The following MGRN1 variants were observed in gnomAD, a reference collection of about 807,000 sequenced individuals.
MGRN1 encodes the protein E3 ubiquitin-protein ligase MGRN1.
A neutral mutation model predicts 69.2 loss-of-function variants in MGRN1; 29 were observed. The observed-to-expected ratio is 0.42, with a 90% CI of 0.31 to 0.57. The LOEUF (loss-of-function observed/expected upper bound fraction) is 0.57, where lower values mean the gene tolerates loss of function less well. Ranked by LOEUF, MGRN1 falls within the 20% of genes least tolerant of loss-of-function variation. The probability of loss-of-function intolerance (pLI) is 0.15; values close to 1 mark genes in which losing one functional copy is unlikely to be tolerated. For missense variants in MGRN1, 998 were observed against 796.2 expected, an observed-to-expected ratio of 1.25 and a Z score of -3.05; for synonymous variants, 470 against 344.2, an observed-to-expected ratio of 1.37 and a Z score of -4.04.
chr16:4,639,600 C>T (rs1045970063), intron 1 of MGRN1, among the ~76,000 whole-genome samples: 3 of 152,186 alleles, frequency 2.0e-5, no homozygotes, highest in African/African-American at 4.8e-5. Context: ...AGATGCACAG[C>T]GTCTGCCCCC....
intron 7 of MGRN1, 105 bp downstream of exon 7, chr16:4,665,256 C>T (rs568347940): frequency 1.5e-6 from 2 of 1,290,350 alleles, no homozygotes; most frequent in East Asian, 2.4e-5. Context: ...GGTGGGGTGG[C>T]TGAGTGTCAA....
At chr16:4,676,600 G>T (rs1385425490) in intron 10 of MGRN1, among the ~76,000 whole-genome samples, 1 of 152,220 alleles carries the variant, frequency 6.6e-6, no homozygotes, top group Non-Finnish European at 1.5e-5. Context: ...ACACAGAGGA[G>T]GCCTGAGGCC....
chr16:4,683,276 G>A lies in MGRN1; in HGVS notation c.1528+7G>A, dbSNP rs373812399. The A allele has an allele frequency of 1.7e-5, 27 of 1,613,472 alleles. No homozygotes were observed. The highest frequency in any genetic ancestry group is 3.3e-5 in the Admixed American group (2 of 60,000). ...TCGTCGTCACCACAGCAAGGTGAGC[G>A]CCTCCTTCCATGGGCACAAACCGCA... On this transcript the variant is annotated splice_region_variant and intron_variant, in intron 15 of 16. Transcript: ENST00000262370.
chr16:4,651,378 A>G (rs1567192426), intron 2 of MGRN1, among the ~76,000 whole-genome samples: 1 of 152,060 alleles, frequency 6.6e-6, no homozygotes, highest in Non-Finnish European at 1.5e-5. Context: ...ATACGGGACA[A>G]ATGGGTAGAA....
intron 16 of MGRN1, among the ~76,000 whole-genome samples, chr16:4,684,145 C>A (rs550495131): frequency 6.6e-6 from 1 of 152,266 alleles, no homozygotes; most frequent in African/African-American, 2.4e-5. Flanking sequence ...GGGCCTGGCT[C>A]TTGGGAGCGG....
chr16:4,677,327 G>T, intron 10 of MGRN1, 136 bp from the exon 11 acceptor site: 1 of 471,364 alleles, frequency 2.1e-6, no homozygotes. Flanking sequence ...AAAAAAAAAA[G>T]ACCGTTGTGA....
chr16:4,630,117 T>A (rs576665932), intron 1 of MGRN1, among the ~76,000 whole-genome samples: 1 of 146,420 alleles, frequency 6.8e-6, no homozygotes. Flanking sequence ...TTTGGGAGAC[T>A]GAGATGGGTG....
At chr16:4,671,541 C>T (rs895602358) in intron 9 of MGRN1, 82 bp downstream of exon 9, 1 of 1,284,894 alleles carries the variant, frequency 7.8e-7, no homozygotes, top group Non-Finnish European at 1.1e-6. Flanking sequence ...CTTGCCGGTT[C>T]CCTTCCATGC....
chr16:4,681,324 G>A (rs1216391314), intron 12 of MGRN1: 10 of 552,912 alleles, frequency 1.8e-5, no homozygotes, highest in African/African-American at 3.8e-5. Flanking sequence ...CCTCGTGCCC[G>A]TCATCCCAGG....
intron 5 of MGRN1, among the ~76,000 whole-genome samples, chr16:4,662,634 T>C (rs937927050): frequency 2.0e-5 from 3 of 152,196 alleles, no homozygotes; most frequent in Non-Finnish European, 2.9e-5. Flanking sequence ...TTGAAACCCA[T>C]GCGGTAGCGT....
intron 9 of MGRN1, chr16:4,672,368 C>T (rs1237661960): frequency 2.2e-6 from 1 of 456,696 alleles, no homozygotes; most frequent in Non-Finnish European, 4.4e-6. Context: ...TTAAAAGGCA[C>T]ACTGACATGA....
rs1269222772 is a variant in MGRN1, at chr16:4,673,634, A to G, written c.932A>G (p.Asn311Ser). The G allele has an allele frequency of 3.1e-6, 5 of 1,613,414 alleles. No homozygotes were observed. Among genetic ancestry groups the G allele is most frequent in the Non-Finnish European group, 4.2e-6 (5 of 1,179,824 alleles). ...SCADTLRYQA[N>S]NCPICRLPFR... ...GCCGACACGCTGCGCTACCAGGCCA[A>G]CAACTGCCCCATCTGCCGGCTGCGT... is the stretch of plus-strand genomic sequence containing the variant. The change falls in exon 10 of 17, where the codon AAC becomes AGC. Residue 311 changes from asparagine (N) to serine (S), a missense_variant. By Grantham distance (46) the Asn-to-Ser change is conservative. Transcript: ENST00000262370.
intron 2 of MGRN1, 154 bp downstream of exon 2, chr16:4,650,637 C>T: frequency 6.7e-6 from 4 of 597,724 alleles, no homozygotes; most frequent in Non-Finnish European, 1.1e-5. Context: ...TGGGTGTGGG[C>T]ACGTGCCCTG....
chr16:4,644,387 G>T (rs9938642), intron 1 of MGRN1, among the ~76,000 whole-genome samples: 4 of 146,478 alleles, frequency 2.7e-5, no homozygotes, highest in African/African-American at 5.1e-5. Flanking sequence ...CTCAGCTCAC[G>T]GCAACCTCTG....
At chr16:4,677,696 C>A (rs2079082966) in intron 11 of MGRN1, 124 bp downstream of exon 11, 2 of 905,098 alleles carry the variant, frequency 2.2e-6, no homozygotes, top group Non-Finnish European at 1.7e-6. Context: ...GCAGGCATGG[C>A]CCCCATGGAT....
Position 4,670,444 on chromosome 16 carries a change from T to C in MGRN1, c.727-947T>C, listed in dbSNP as rs562087945. Among the ~76,000 whole-genome samples the C allele has an allele frequency of 7.9e-5, 12 of 152,330 alleles. No individual in the cohort carries two copies. The South Asian group carries it at 1.7e-3, about 21-fold the overall frequency. On this transcript the variant is annotated intron_variant, in intron 8 of 16. Transcript: ENST00000262370. ...TTTTTGTAGAGATGAGGTTTTGCCATGTTGGCCAAGCTGGTCTCAAACTTT... is the reference window on the plus strand; with the variant it reads ...TTTTTGTAGAGATGAGGTTTTGCCACGTTGGCCAAGCTGGTCTCAAACTTT...
At chr16:4,686,376 C>G (rs1596321709) in intron 16 of MGRN1, 1 of 1,514,714 alleles carries the variant, frequency 6.6e-7, no homozygotes, top group South Asian at 1.2e-5. Context: ...CCCCTGCTCT[C>G]TGGCGGGGGT....
At chr16:4,680,182 C>T in intron 12 of MGRN1, 85 bp downstream of exon 12, 1 of 1,334,550 alleles carries the variant, frequency 7.5e-7, no homozygotes, top group Non-Finnish European at 1.1e-6. Flanking sequence ...CGTTTCCGCC[C>T]CAGGCTAGTG....
intron 9 of MGRN1, chr16:4,672,343 T>A (rs1408695968): frequency 2.2e-6 from 1 of 456,598 alleles, no homozygotes; most frequent in Non-Finnish European, 4.4e-6. Context: ...CCACCACGCC[T>A]GGTCGATGAA....
Sources: allele counts gnomAD v4.1 joint callset (sites outside exome capture counted in the v4.1 genomes callset), GRCh38; gene constraint gnomAD v4.1.1; transcripts MANE v1.5; gene names NCBI Gene and HGNC (gene_info 2026-07-23, HGNC 2026-07-21).